The following GLRA3 variants were observed in gnomAD, a reference collection of about 807,000 sequenced individuals.
GLRA3 encodes glycine receptor alpha 3.
In GLRA3, 44 loss-of-function variants were observed where a neutral mutation model predicts 60.4. The ratio of observed to expected loss-of-function variants is 0.73; its 90% CI spans 0.57 to 0.94. The LOEUF (loss-of-function observed/expected upper bound fraction) is 0.94, where lower values mean the gene tolerates loss of function less well. Among genes scored for constraint, GLRA3 ranks in the 40% least tolerant of loss-of-function variants. The pLI is 0.00. For synonymous variants in GLRA3, 223 were observed against 192.9 expected, an observed-to-expected ratio of 1.16 and a Z score of -1.29; for missense variants, 508 against 564.6, an observed-to-expected ratio of 0.90 and a Z score of 1.02.
At chr4:174,820,484 A>G (rs548733525) in intron 1 of GLRA3, among the ~76,000 whole-genome samples, 2 of 152,252 alleles carry the variant, frequency 1.3e-5, no homozygotes, top group East Asian at 3.9e-4. Flanking sequence ...GCCCTCAAAA[A>G]CTTCACAGTT....
At chr4:174,808,235 T>C (rs770271433) in intron 1 of GLRA3, among the ~76,000 whole-genome samples, 2 of 152,102 alleles carry the variant, frequency 1.3e-5, no homozygotes, top group Non-Finnish European at 2.9e-5. Flanking sequence ...TTCAGATGTA[T>C]GGATATACAG....
intron 5 of GLRA3, among the ~76,000 whole-genome samples, chr4:174,688,317 TCATATATATATA>T (rs1170078684): frequency 0.065 from 4,661 of 71,294 alleles, 421 homozygotes; most frequent in South Asian, 0.11. Flanking sequence ...TTACCTGACA[TCATATATATATA>T]TATATATATA....
intron 5 of GLRA3, among the ~76,000 whole-genome samples, chr4:174,708,217 G>A (rs958780195): frequency 2.0e-5 from 3 of 152,130 alleles, no homozygotes; most frequent in Middle Eastern, 3.4e-3. Flanking sequence ...TAAAATAATT[G>A]CAAAAAATCA....
intron 3 of GLRA3, 129 bp from the exon 4 acceptor site, chr4:174,728,827 G>A: frequency 3.3e-6 from 2 of 598,196 alleles, no homozygotes. Context: ...GGGACGGGGT[G>A]TATAGTTAAT....
chr4:174,742,904 A>G (rs1420546178), intron 3 of GLRA3, among the ~76,000 whole-genome samples: 1 of 152,176 alleles, frequency 6.6e-6, no homozygotes, highest in Non-Finnish European at 1.5e-5. Flanking sequence ...TTGAAGATCC[A>G]TTCTGTTGGC....
At chr4:174,667,499 T>A (rs1036516732) in intron 7 of GLRA3, among the ~76,000 whole-genome samples, 1 of 152,084 alleles carries the variant, frequency 6.6e-6, no homozygotes, top group Non-Finnish European at 1.5e-5. Context: ...GAATAAGAAA[T>A]GTCCCCTGAT....
At chr4:174,827,402 G>GA (rs1319315069) in intron 1 of GLRA3, among the ~76,000 whole-genome samples, 3 of 151,196 alleles carry the variant, frequency 2.0e-5, no homozygotes, top group Non-Finnish European at 4.4e-5. Flanking sequence ...TGATTTCTTT[G>GA]AAAAAAATGT....
chr4:174,793,906 A>G (rs189483236), intron 1 of GLRA3, among the ~76,000 whole-genome samples: 2 of 151,882 alleles, frequency 1.3e-5, no homozygotes, highest in Admixed American at 1.3e-4. Context: ...ACTAAGATTA[A>G]TTAAGATTAA....
intron 1 of GLRA3, among the ~76,000 whole-genome samples, chr4:174,823,352 C>T (rs1335112555): frequency 2.0e-4 from 30 of 151,902 alleles, no homozygotes; most frequent in Admixed American, 1.9e-3. Context: ...GTGAAAACCT[C>T]TCTCTACCAA....
chr4:174,824,431 C>T (rs1257798980), intron 1 of GLRA3, among the ~76,000 whole-genome samples: 1 of 152,092 alleles, frequency 6.6e-6, no homozygotes, highest in African/African-American at 2.4e-5. Context: ...TAAAACTATT[C>T]CTGTAATGAT....
At chr4:174,732,521 G>A (rs1177946209) in intron 3 of GLRA3, among the ~76,000 whole-genome samples, 1 of 151,904 alleles carries the variant, frequency 6.6e-6, no homozygotes, top group Non-Finnish European at 1.5e-5. Flanking sequence ...TTAGCTCTAA[G>A]GAAAAACCAA....
chr4:174,692,509 T>C (rs975732736), intron 5 of GLRA3, among the ~76,000 whole-genome samples: 5 of 149,390 alleles, frequency 3.3e-5, no homozygotes, highest in African/African-American at 9.8e-5. Context: ...GGGGGAAAGG[T>C]GGGGAAAAGA....
chr4:174,704,414 AAAG>A (rs1454542429), intron 5 of GLRA3, among the ~76,000 whole-genome samples: 3 of 144,118 alleles, frequency 2.1e-5, no homozygotes, highest in Admixed American at 1.4e-4. Context: ...ATTCTCACAC[AAAG>A]AAGATGGCTA....
intron 3 of GLRA3, among the ~76,000 whole-genome samples, chr4:174,746,670 C>T (rs553273442): frequency 2.0e-5 from 3 of 152,262 alleles, no homozygotes; most frequent in African/African-American, 7.2e-5. Context: ...TTACCAGTTA[C>T]CAACACAATT....
chr4:174,798,794 A>G lies in GLRA3; in HGVS notation c.72-9851T>C, dbSNP rs368328455. On this transcript the variant is annotated intron_variant, in intron 1 of 9. Coordinates refer to ENST00000274093, the MANE Select transcript of GLRA3 (RefSeq NM_006529.4). The stretch of plus-strand genomic sequence containing the variant: ...AAAAAATTAGCTGGGTGTGGTGGTG[A>G]GCGCCTGTAGTCCCAGCTACTCGGG... Among the ~76,000 whole-genome samples, 160 of 152,180 alleles carry G rather than the reference A, an allele frequency of 1.1e-3. 1 individual carries two copies. Among genetic ancestry groups the G allele is most frequent in the Admixed American group, 1.8e-3 (28 of 15,284 alleles).
chr4:174,713,705 AT>A (rs1735806252), intron 5 of GLRA3: 2 of 151,972 alleles, frequency 1.3e-5, no homozygotes, highest in African/African-American at 2.4e-5. Flanking sequence ...TTTGTCTGGA[AT>A]TTTTTCCAAC....
chr4:174,767,239 A>AT (rs1210202769), intron 2 of GLRA3, among the ~76,000 whole-genome samples: 1 of 151,726 alleles, frequency 6.6e-6, no homozygotes, highest in Non-Finnish European at 1.5e-5. Context: ...GATGCTGATC[A>AT]TTTTTTTACC....
intron 5 of GLRA3, among the ~76,000 whole-genome samples, chr4:174,707,220 C>G (rs1735551128): frequency 6.6e-6 from 1 of 152,026 alleles, no homozygotes; most frequent in African/African-American, 2.4e-5. Context: ...TCAGTCCTGT[C>G]CTTCTGGGAG....
At chr4:174,824,093 C>A (rs1322054079) in intron 1 of GLRA3, among the ~76,000 whole-genome samples, 2 of 152,164 alleles carry the variant, frequency 1.3e-5, no homozygotes, top group African/African-American at 4.8e-5. Flanking sequence ...TACCTGAATT[C>A]CTAGCTGAGG....
Sources: allele counts gnomAD v4.1 joint callset (sites outside exome capture counted in the v4.1 genomes callset), GRCh38; gene constraint gnomAD v4.1.1; transcripts MANE v1.5; gene names NCBI Gene and HGNC (gene_info 2026-07-23, HGNC 2026-07-21).